The following GUCY1A2 variants were observed in gnomAD, a reference collection of about 807,000 sequenced individuals.
GUCY1A2 encodes the protein guanylate cyclase 1 soluble subunit alpha 2.
In GUCY1A2, 27 loss-of-function variants were observed where a neutral mutation model predicts 63.5. That is an observed-to-expected ratio of 0.43 (90% CI 0.31 to 0.59). The LOEUF (loss-of-function observed/expected upper bound fraction) is 0.59, where lower values mean the gene tolerates loss of function less well. Among genes scored for constraint, GUCY1A2 ranks in the 20% least tolerant of loss-of-function variants. GUCY1A2 has a pLI of 0.11. For missense variants in GUCY1A2, 768 were observed against 913.3 expected (o/e 0.84, Z 2.05); for synonymous variants, 364 against 343.5 (o/e 1.06, Z -0.66).
intron 5 of GUCY1A2, among the ~76,000 whole-genome samples, chr11:106,790,369 G>A (rs1383480859): frequency 6.6e-6 from 1 of 150,764 alleles, no homozygotes; most frequent in Non-Finnish European, 1.5e-5. Flanking sequence ...TGCCAGGCCT[G>A]GGGCTTATCC....
chr11:106,855,103 G>A (rs897276142), intron 4 of GUCY1A2, among the ~76,000 whole-genome samples: 1 of 152,088 alleles, frequency 6.6e-6, no homozygotes, highest in Non-Finnish European at 1.5e-5. Context: ...TTCTCAAAGT[G>A]GCTCCATGCT....
intron 5 of GUCY1A2, among the ~76,000 whole-genome samples, chr11:106,778,238 C>T (rs944573977): frequency 2.0e-5 from 3 of 152,196 alleles, no homozygotes; most frequent in Non-Finnish European, 4.4e-5. Context: ...ATTCCAGTGT[C>T]ACTTTTTCTG....
chr11:106,978,608 A>G lies in GUCY1A2; in HGVS notation c.487+11T>C, dbSNP rs1591351992. ...CTCTCTCATCCATATAAATATATAT[A>G]GTTAATATACCGAGTATATTAGCAG... is the stretch of plus-strand genomic sequence containing the variant. On this transcript the variant is annotated intron_variant, in intron 3 of 7. Coordinates refer to ENST00000526355, the MANE Select transcript of GUCY1A2 (RefSeq NM_000855.3). 5 of 1,445,800 alleles carry G rather than the reference A, an allele frequency of 3.5e-6. No individual in the cohort carries two copies. The East Asian group carries it at 1.1e-4, about 33-fold the overall frequency. The allele number at this position is 1,445,800 out of a possible 1,614,324, so 89.6% of individuals were successfully genotyped here.
At chr11:106,856,019 G>A (rs1305082888) in intron 4 of GUCY1A2, among the ~76,000 whole-genome samples, 3 of 151,474 alleles carry the variant, frequency 2.0e-5, no homozygotes, top group Non-Finnish European at 2.9e-5. Flanking sequence ...TCAACTTCCT[G>A]GGCTCAGGTG....
intron 4 of GUCY1A2, among the ~76,000 whole-genome samples, chr11:106,901,078 A>G (rs1860126192): frequency 6.6e-6 from 1 of 152,214 alleles, no homozygotes. Flanking sequence ...TTCTTTCACA[A>G]TTGGAGTCAA....
In GUCY1A2 at chr11:106,798,039, A is replaced by C. The variant is rs975970108; in HGVS notation, c.1692+11954T>G. 4.6e-5 allele frequency among the ~76,000 whole-genome samples: 7 copies of C among 152,306 alleles called. No homozygotes were observed. The South Asian group carries it at 1.5e-3, about 32-fold the overall frequency. ...CACACAGCAAGACTAAAAAAGAAGA[A>C]AAGAAAGAAGAATCAAATAGACGCA... On this transcript the variant is annotated intron_variant, in intron 5 of 7. Transcript: ENST00000526355.
chr11:106,687,032 C>T lies in GUCY1A2; in HGVS notation c.*517G>A, dbSNP rs1338782500. ...AGATATGTATAAAAATAGGTAATAT[C>T]CCTAAAATATTTTGCCGAGTTACAA... On this transcript the variant is annotated 3_prime_UTR_variant, in exon 8 of 8. Transcript: ENST00000526355. The T allele has an allele frequency of 1.9e-5, 4 of 215,840 alleles. No homozygotes were observed. Among genetic ancestry groups the T allele is most frequent in the Non-Finnish European group, 3.7e-5 (4 of 107,206 alleles). The allele number at this position is 215,840 out of a possible 1,614,324, so 13.4% of individuals were successfully genotyped here. A position where few individuals can be genotyped will look rare whatever the true frequency, so the allele number is the denominator to read the frequency against.
chr11:106,735,391 G>A (rs1013448858), intron 6 of GUCY1A2, among the ~76,000 whole-genome samples: 1 of 152,064 alleles, frequency 6.6e-6, no homozygotes, highest in Admixed American at 6.5e-5. Context: ...GTGAGAACAT[G>A]CAATAGTCAT....
chr11:106,788,341 C>T (rs139605035), intron 5 of GUCY1A2, among the ~76,000 whole-genome samples: 199 of 152,058 alleles, frequency 1.3e-3, no homozygotes, highest in African/African-American at 4.7e-3. Context: ...TGTGGGTTGT[C>T]TCTTCACTTT....
intron 6 of GUCY1A2, among the ~76,000 whole-genome samples, chr11:106,736,930 T>C (rs566885400): frequency 3.3e-5 from 5 of 152,258 alleles, no homozygotes; most frequent in East Asian, 1.9e-4. Flanking sequence ...GTCTCTTTCA[T>C]CTGGGGAGCA....
chr11:106,712,120 A>C (rs1210884547), intron 6 of GUCY1A2, among the ~76,000 whole-genome samples: 1 of 151,334 alleles, frequency 6.6e-6, no homozygotes, highest in African/African-American at 2.4e-5. Context: ...TTTTCTGTCT[A>C]CCTCTCCCTC....
chr11:106,998,032 GTA>G (rs1861564262), intron 1 of GUCY1A2, among the ~76,000 whole-genome samples: 1 of 152,106 alleles, frequency 6.6e-6, no homozygotes, highest in Non-Finnish European at 1.5e-5. Flanking sequence ...AAAAAAAACA[GTA>G]TAGTTGGGCA....
chr11:106,687,395 C>A lies in GUCY1A2; in HGVS notation c.*154G>T, dbSNP rs1862545013. On this transcript the variant is annotated 3_prime_UTR_variant, in exon 8 of 8. Transcript: ENST00000526355. ...TTTTTATTGACAGCGGTCACCTCCA[C>A]CTTTTAGTAGGATTATTGCCTGACA... 3 of 650,122 alleles carry A rather than the reference C, an allele frequency of 4.6e-6. No homozygotes were observed. The East Asian group carries it at 7.7e-5, about 17-fold the overall frequency. The allele number at this position is 650,122 out of a possible 1,614,324, so 40.3% of individuals were successfully genotyped here. A position where few individuals can be genotyped will look rare whatever the true frequency, so the allele number is the denominator to read the frequency against.
chr11:106,761,626 A>G (rs1381448379), intron 6 of GUCY1A2, among the ~76,000 whole-genome samples: 8 of 152,150 alleles, frequency 5.3e-5, no homozygotes, highest in Non-Finnish European at 2.9e-5. Context: ...ACACACTAAT[A>G]ACTTTCCCAG....
chr11:106,828,677 C>A (rs905052564), intron 4 of GUCY1A2, among the ~76,000 whole-genome samples: 3 of 152,146 alleles, frequency 2.0e-5, no homozygotes, highest in Non-Finnish European at 4.4e-5. Flanking sequence ...TGCATGACAT[C>A]ACAAGGCAAA....
At chr11:106,715,778 A>G (rs1863203098) in intron 6 of GUCY1A2, among the ~76,000 whole-genome samples, 1 of 151,894 alleles carries the variant, frequency 6.6e-6, no homozygotes, top group Admixed American at 6.5e-5. Flanking sequence ...AATACATCCA[A>G]TCTTAATCAC....
chr11:106,995,022 A>G (rs982861156), intron 1 of GUCY1A2, among the ~76,000 whole-genome samples: 15 of 152,198 alleles, frequency 9.9e-5, no homozygotes, highest in African/African-American at 3.6e-4. Flanking sequence ...ATAAGACAAG[A>G]TGGCACTGCT....
intron 6 of GUCY1A2, among the ~76,000 whole-genome samples, chr11:106,710,247 T>TTA (rs57092584): frequency 0.022 from 116 of 5,170 alleles, 40 homozygotes; most frequent in South Asian, 0.08. Flanking sequence ...TAATATATAG[T>TTA]TATATATTAT....
chr11:106,682,143 A>T lies in GUCY1A2; in HGVS notation c.*5406T>A. On this transcript the variant is annotated 3_prime_UTR_variant, in exon 8 of 8. Coordinates refer to ENST00000526355, the MANE Select transcript of GUCY1A2 (RefSeq NM_000855.3). The stretch of plus-strand genomic sequence containing the variant: ...TTATCAGTGTTGACGTCTGTCTCTA[A>T]GTTTGAAGATTCATGCTCAGAAAGA... 4.8e-6 allele frequency: 1 copy of T among 210,074 alleles called. No homozygotes were observed. The highest frequency in any genetic ancestry group is 1.5e-3 in the Middle Eastern group (1 of 660). 13.0% of individuals were successfully genotyped at this position (210,074 alleles called of 1,614,324 possible).
Sources: gnomAD v4.1 joint callset for allele counts (sites outside exome capture counted in the v4.1 genomes callset) on GRCh38, gnomAD v4.1.1 for gene constraint, MANE v1.5 for transcripts, NCBI Gene and HGNC (gene_info 2026-07-23, HGNC 2026-07-21) for gene names.